PCDH17: variants seen among roughly 807,000 people sequenced by gnomAD.
PCDH17 encodes protocadherin 17, also known as protocadherin-17.
PCDH17 carries 21 observed loss-of-function variants against 67.7 expected under a neutral mutation model. That is an observed-to-expected ratio of 0.31 (90% CI 0.22 to 0.45). PCDH17 has a LOEUF of 0.45. Among genes scored for constraint, PCDH17 ranks in the 20% least tolerant of loss-of-function variants. The probability of loss-of-function intolerance (pLI) is 1.00; values close to 1 mark genes in which losing one functional copy is unlikely to be tolerated. For missense variants in PCDH17, 1,471 were observed against 1,564.8 expected (o/e 0.94, Z 1.01); for synonymous variants, 701 against 656.7 (o/e 1.07, Z -1.03).
chr13:57,681,293 G>T (rs182918817), intron 3 of PCDH17, among the ~76,000 whole-genome samples: 1 of 151,708 alleles, frequency 6.6e-6, no homozygotes, highest in African/African-American at 2.4e-5. Context: ...TTCTAAGTTG[G>T]AAATAAGATA....
At chr13:57,695,230 G>A (rs951511526) in intron 3 of PCDH17, among the ~76,000 whole-genome samples, 3 of 151,018 alleles carry the variant, frequency 2.0e-5, no homozygotes, top group African/African-American at 7.3e-5. Context: ...TAAAACAAAA[G>A]CTTCAAGTAT....
intron 1 of PCDH17, among the ~76,000 whole-genome samples, chr13:57,636,743 ATATT>A (rs1184079048): frequency 6.6e-6 from 1 of 152,212 alleles, no homozygotes; most frequent in Non-Finnish European, 1.5e-5. Context: ...ATTAAAACAC[ATATT>A]TAAAGATTTG....
Position 57,725,347 on chromosome 13 carries a change from A to G in PCDH17, c.*53A>G, listed in dbSNP as rs976368894. The stretch of plus-strand genomic sequence containing the variant: ...TTTTCTTGTCTCTTCTGTTGATTTA[A>G]AAATGATCCCTCCTGGTGATAACCC... On this transcript the variant is annotated 3_prime_UTR_variant, in exon 4 of 4. Transcript: ENST00000377918. The G allele has an allele frequency of 6.7e-7, 1 of 1,489,834 alleles. No homozygotes were observed. Among genetic ancestry groups the G allele is most frequent in the East Asian group, 2.3e-5 (1 of 44,174 alleles). 92.3% of individuals were successfully genotyped at this position (1,489,834 alleles called of 1,614,324 possible). A position where few individuals can be genotyped will look rare whatever the true frequency, so the allele number is the denominator to read the frequency against.
At chr13:57,702,047 A>C (rs1379805332) in intron 3 of PCDH17, among the ~76,000 whole-genome samples, 1 of 151,906 alleles carries the variant, frequency 6.6e-6, no homozygotes, top group East Asian at 1.9e-4. Flanking sequence ...TCTCCCGAGT[A>C]GCTGGGATTA....
chr13:57,649,043 G>T (rs1251597673), intron 1 of PCDH17, among the ~76,000 whole-genome samples: 7 of 151,992 alleles, frequency 4.6e-5, no homozygotes, highest in Non-Finnish European at 8.8e-5. Flanking sequence ...CATGTACCTT[G>T]GAAAAGAGTC....
Position 57,683,757 on chromosome 13 carries a change from T to A in PCDH17, c.2797+16924T>A, listed in dbSNP as rs114192165. Among the ~76,000 whole-genome samples, 337 of 152,016 alleles carry A rather than the reference T, an allele frequency of 2.2e-3. 3 individuals are homozygous for A. The highest frequency in any genetic ancestry group is 7.5e-3 in the African/African-American group (312 of 41,528). On this transcript the variant is annotated intron_variant, in intron 3 of 3. Coordinates refer to ENST00000377918, the MANE Select transcript of PCDH17 (RefSeq NM_001040429.3). Reference sequence around the variant, plus strand: ...TGTACCCAGAAGACACATTTCTAATTAAATCATTCAATTTGAATACCCAGA... The same window carrying A: ...TGTACCCAGAAGACACATTTCTAATAAAATCATTCAATTTGAATACCCAGA...
chr13:57,703,214 A>T (rs200619755), intron 3 of PCDH17, among the ~76,000 whole-genome samples: 3 of 152,200 alleles, frequency 2.0e-5, no homozygotes, highest in Non-Finnish European at 4.4e-5. Context: ...GACTTTGAAT[A>T]TAATTTAATC....
In PCDH17 at chr13:57,640,975, C is replaced by T. The variant is rs1954885209; in HGVS notation, c.2565+5864C>T. The stretch of plus-strand genomic sequence containing the variant: ...TTTAATAAATCCCATAGGGCATTAT[C>T]TTAAGGTTGTATTTTAGTAAAGCCA... On this transcript the variant is annotated intron_variant, in intron 1 of 3. Coordinates refer to ENST00000377918, the MANE Select transcript of PCDH17 (RefSeq NM_001040429.3). 2.0e-5 allele frequency among the ~76,000 whole-genome samples: 3 copies of T among 151,942 alleles called. No homozygotes were observed. In the South Asian group the frequency reaches 6.2e-4, roughly 31 times the overall value.
chr13:57,712,615 T>C (rs1207527522), intron 3 of PCDH17, among the ~76,000 whole-genome samples: 4 of 151,592 alleles, frequency 2.6e-5, no homozygotes, highest in African/African-American at 9.7e-5. Flanking sequence ...ATATGAAAAT[T>C]GTTAAATGGC....
chr13:57,724,882 G>A lies in PCDH17; in HGVS notation c.3068G>A (p.Arg1023His), dbSNP rs1260114637. 4 of 1,614,128 alleles carry A rather than the reference G, an allele frequency of 2.5e-6. No homozygotes were observed. The highest frequency in any genetic ancestry group is 2.2e-5 in the East Asian group (1 of 44,864). Residue 1023 changes from arginine (R) to histidine (H), a missense_variant, in exon 4 of 4, where the codon CGT becomes CAT. By Grantham distance (29) the Arg-to-His change is conservative. Coordinates refer to ENST00000377918, the MANE Select transcript of PCDH17 (RefSeq NM_001040429.3). The stretch of plus-strand genomic sequence containing the variant: ...GTTAAACCTTATTTAAAAGCCAAAC[G>A]TGCCCTGAGCCCTCTCCTCCAAGAG... ...ANVKPYLKAK[R>H]ALSPLLQEVP...
intron 3 of PCDH17, among the ~76,000 whole-genome samples, chr13:57,723,721 A>G (rs1015769166): frequency 6.6e-6 from 1 of 152,246 alleles, no homozygotes; most frequent in South Asian, 2.1e-4. Context: ...ATTGGGGTCA[A>G]TGGAAGTATG....
chr13:57,693,158 A>G lies in PCDH17; in HGVS notation c.2797+26325A>G, dbSNP rs576801811. 8.4e-4 allele frequency among the ~76,000 whole-genome samples: 127 copies of G among 150,412 alleles called. 1 individual carries two copies. In the South Asian group the frequency reaches 9.2e-3, roughly 11 times the overall value. On this transcript the variant is annotated intron_variant, in intron 3 of 3. Transcript: ENST00000377918. ...TTATTTCCACGGTTTTCAAATACCA[A>G]GAAAGTTAGTGCTCATTGAAATAGT...
chr13:57,722,891 A>AT (rs1955883010), intron 3 of PCDH17, among the ~76,000 whole-genome samples: 1 of 152,120 alleles, frequency 6.6e-6, no homozygotes, highest in African/African-American at 2.4e-5. Flanking sequence ...TTATAGGCAT[A>AT]AGCCACTATA....
In PCDH17 at chr13:57,722,212, G is replaced by A. The variant is rs549900837; in HGVS notation, c.2798-2400G>A. On this transcript the variant is annotated intron_variant, in intron 3 of 3. Transcript: ENST00000377918. ...TCAAGGTCGATTTACACTTTCATAC[G>A]TCTGCATTATTCTTTCTTTTTCTGT... Among the ~76,000 whole-genome samples, 15 of 152,218 alleles carry A rather than the reference G, an allele frequency of 9.9e-5. No individual in the cohort carries two copies. The South Asian group carries it at 2.7e-3, about 27-fold the overall frequency.
chr13:57,652,864 A>C (rs562218805), intron 1 of PCDH17, among the ~76,000 whole-genome samples: 1 of 152,260 alleles, frequency 6.6e-6, no homozygotes, highest in East Asian at 1.9e-4. Flanking sequence ...AGTTTGAGAA[A>C]TTTATATAGT....
chr13:57,708,873 A>G (rs995595022), intron 3 of PCDH17, among the ~76,000 whole-genome samples: 1 of 151,912 alleles, frequency 6.6e-6, no homozygotes, highest in African/African-American at 2.4e-5. Context: ...TCTCATATTC[A>G]CTGTGCATTT....
chr13:57,681,367 G>A (rs963796121), intron 3 of PCDH17, among the ~76,000 whole-genome samples: 36 of 151,752 alleles, frequency 2.4e-4, no homozygotes, highest in African/African-American at 8.0e-4. Context: ...TTTATGGAGA[G>A]TACTTCAGCA....
Position 57,692,700 on chromosome 13 carries a change from A to T in PCDH17, c.2797+25867A>T, listed in dbSNP as rs184166032. Among the ~76,000 whole-genome samples, 19 of 151,048 alleles carry T rather than the reference A, an allele frequency of 1.3e-4. No individual in the cohort carries two copies. The South Asian group carries it at 1.9e-3, about 15-fold the overall frequency. On this transcript the variant is annotated intron_variant, in intron 3 of 3. Transcript: ENST00000377918. ...TGAGTATTATTTTTCTTTCATTCTT[A>T]CTCTTTTCTTTTTTTAGTCACCCTT...
chr13:57,681,642 A>C (rs1160569405), intron 3 of PCDH17, among the ~76,000 whole-genome samples: 1 of 151,750 alleles, frequency 6.6e-6, no homozygotes, highest in Admixed American at 6.6e-5. Context: ...ACCATTTAAA[A>C]ATAATTTAAT....
Sources: allele counts gnomAD v4.1 joint callset (sites outside exome capture counted in the v4.1 genomes callset), GRCh38; gene constraint gnomAD v4.1.1; transcripts MANE v1.5; gene names NCBI Gene and HGNC (gene_info 2026-07-23, HGNC 2026-07-21).